The following SEC16A variants were observed in gnomAD, a reference collection of about 807,000 sequenced individuals.
SEC16A encodes SEC16 homolog A, endoplasmic reticulum export factor.
SEC16A carries 110 observed loss-of-function variants against 221.9 expected under a neutral mutation model. That is an observed-to-expected ratio of 0.50 (90% CI 0.42 to 0.58). The LOEUF (loss-of-function observed/expected upper bound fraction) is 0.58. Ranked by LOEUF, SEC16A falls within the 20% of genes least tolerant of loss-of-function variation. SEC16A has a pLI of 0.00. For missense variants in SEC16A, 3,165 were observed against 3,097.8 expected (o/e 1.02, Z -0.52); for synonymous variants, 1,393 against 1,257.7 (o/e 1.11, Z -2.28).
Position 136,472,049 on chromosome 9 carries a change from G to A in SEC16A, c.3630C>T (p.Ala1210=), listed in dbSNP as rs1840944946. 3 of 1,613,342 alleles carry A rather than the reference G, an allele frequency of 1.9e-6. No individual in the cohort carries two copies. In the East Asian group the frequency reaches 6.7e-5, roughly 36 times the overall value. ...CGGGCTCGGGATAGCGGTAGTTCTG[G>A]GCGTAAGCAGACGCAGCACCATCAT... is the stretch of plus-strand genomic sequence containing the variant. ...RPYDGAASAY[A]QNYRYPEPER... The change falls in exon 4 of 32, where the codon GCC becomes GCT. Residue 1210 remains alanine, a synonymous_variant. Transcript: ENST00000684901.
Position 136,447,303 on chromosome 9 carries a change from C to T in SEC16A, c.6621G>A (p.Pro2207=), listed in dbSNP as rs1348384689. The change falls in exon 27 of 32, where the codon CCG becomes CCA. Residue 2207 remains proline, a synonymous_variant. Transcript: ENST00000684901. This position sits in a 1 kb window ranked among gnomAD's most constrained non-coding sequence, Gnocchi z 5.5. ...CGACAAAGTCCGCAGGAGCGAGAGC[C>T]GGCTCGCTCCGCTGGGTCCCGCTTG... ...LNPSGTQRSE[P]ALAPADFVAP... 5 of 1,593,328 alleles carry T rather than the reference C, an allele frequency of 3.1e-6. No homozygotes were observed. The highest frequency in any genetic ancestry group is 3.4e-6 in the Non-Finnish European group (4 of 1,170,868).
Position 136,445,675 on chromosome 9 carries a change from G to A in SEC16A, c.6837C>T (p.Ser2279=), listed in dbSNP as rs1288595756. ...CTCCCTGGGAACCCTCAGGCCTGGA[G>A]GAGGGGAGTTCAGAGCCAGGGAGTG... The part of the protein sequence containing the change: ...AASLPGSELP[S]SRPEGSQGGE... The change falls in exon 29 of 32, where the codon TCC becomes TCT. Residue 2279 remains serine, a synonymous_variant. Coordinates refer to ENST00000684901, the MANE Select transcript of SEC16A (RefSeq NM_014866.2). 6.4e-7 allele frequency: 1 copy of A among 1,551,736 alleles called. No homozygotes were observed. The highest frequency in any genetic ancestry group is 8.7e-7 in the Non-Finnish European group (1 of 1,147,986).
chr9:136,463,197 C>G, intron 11 of SEC16A, 65 bp from the exon 12 acceptor site: 1 of 1,580,598 alleles, frequency 6.3e-7, no homozygotes, highest in African/African-American at 1.3e-5. Context: ...GTTGGACCAC[C>G]ACAGGCACAA....
intron 1 of SEC16A, among the ~76,000 whole-genome samples, chr9:136,481,339 C>T (rs1330762116): frequency 4.6e-5 from 7 of 151,928 alleles, no homozygotes; most frequent in Non-Finnish European, 1.0e-4. Context: ...GGGGTTTCAC[C>T]GTGTTAGCCA....
chr9:136,472,848 G>A (rs1207187981), intron 3 of SEC16A, among the ~76,000 whole-genome samples: 1 of 152,356 alleles, frequency 6.6e-6, no homozygotes, highest in African/African-American at 2.4e-5. Flanking sequence ...TTGGCCACCC[G>A]GACACCACAG....
chr9:136,473,241 C>T (rs555680972), intron 3 of SEC16A, among the ~76,000 whole-genome samples: 2 of 152,268 alleles, frequency 1.3e-5, no homozygotes, highest in African/African-American at 2.4e-5. Flanking sequence ...ACTGGCCTTA[C>T]ATACCGCAAG....
In SEC16A at chr9:136,448,070, T is replaced by C. The variant is rs1027977111; in HGVS notation, c.6390+14A>G. The C allele has an allele frequency of 6.2e-6, 10 of 1,607,418 alleles. No individual in the cohort carries two copies. Among genetic ancestry groups the C allele is most frequent in the Non-Finnish European group, 8.5e-6 (10 of 1,175,268 alleles). On this transcript the variant is annotated intron_variant, in intron 24 of 31. Transcript: ENST00000684901. ...AATTCTTCGGACGTCCCGTGCGTAT[T>C]TGACAGCACTCACCGATTTGTTCTT...
rs1411437174 is a variant in SEC16A, at chr9:136,477,722, A to G, written c.-69-38T>C. The G allele has an allele frequency of 2.8e-6, 4 of 1,430,596 alleles. No homozygotes were observed. In the African/African-American group the frequency reaches 5.7e-5, roughly 21 times the overall value. The allele number at this position is 1,430,596 out of a possible 1,614,324, so 88.6% of individuals were successfully genotyped here. A position where few individuals can be genotyped will look rare whatever the true frequency, so the allele number is the denominator to read the frequency against. ...AAGAGAAAATCAGCATAAAATCCAT[A>G]TATTCAAAGTCCTAGCTGCAATCAG... On this transcript the variant is annotated intron_variant, in intron 2 of 31. Transcript: ENST00000684901.
At chr9:136,472,868 C>T (rs534237735) in intron 3 of SEC16A, among the ~76,000 whole-genome samples, 7 of 152,380 alleles carry the variant, frequency 4.6e-5, no homozygotes, top group South Asian at 2.1e-4. Flanking sequence ...GCAAGAGGCA[C>T]GGCGGGAGGA....
At chr9:136,444,974 G>A (rs1462881678) in intron 30 of SEC16A, 78 bp downstream of exon 30, 21 of 1,328,260 alleles carry the variant, frequency 1.6e-5, no homozygotes, top group African/African-American at 1.0e-4. Flanking sequence ...CGCACGTGGC[G>A]AACCGGCACC....
At chr9:136,481,129 C>CTTTTTTTTTTTTTTTT (rs1000992506) in intron 1 of SEC16A, among the ~76,000 whole-genome samples, 1 of 87,988 alleles carries the variant, frequency 1.1e-5, no homozygotes, top group African/African-American at 4.5e-5. Context: ...GAATTTTATT[C>CTTTTTTTTTTTTTTTT]TTTTTTTTTT....
Position 136,459,951 on chromosome 9 carries a change from C to G in SEC16A, c.5074-77G>C. 2 of 1,535,804 alleles carry G rather than the reference C, an allele frequency of 1.3e-6. No individual in the cohort carries two copies. ...TTCAATTCCACACAGCTGGGCTCAC[C>G]AGGCACCTCACGGCCTGTGACAGCG... On this transcript the variant is annotated intron_variant, in intron 14 of 31. Coordinates refer to ENST00000684901, the MANE Select transcript of SEC16A (RefSeq NM_014866.2). This position sits in a 1 kb window ranked among gnomAD's most constrained non-coding sequence, Gnocchi z 6.1.
intron 23 of SEC16A, 140 bp from the exon 24 acceptor site, chr9:136,448,301 G>A: frequency 1.3e-6 from 1 of 743,072 alleles, no homozygotes; most frequent in South Asian, 1.5e-5. Context: ...GGAGAATGGA[G>A]GTGGGAGCAG....
At chr9:136,484,176 G>A (rs1376273526), upstream of SEC16A, 6 of 215,834 alleles carry the variant, frequency 2.8e-5, no homozygotes, top group Non-Finnish European at 4.1e-5. Flanking sequence ...GGCCTACTCG[G>A]TTCGTTCCCC....
intron 23 of SEC16A, chr9:136,448,533 C>T (rs985350211): frequency 1.4e-6 from 1 of 693,168 alleles, no homozygotes; most frequent in Non-Finnish European, 2.6e-6. Context: ...GAGGTGGGAG[C>T]AGATCCACAG....
rs1266923320 is a variant in SEC16A, at chr9:136,441,140, G to C, written c.*615C>G. Reference sequence around the variant, plus strand: ...TGCAACAGGAAAGAAATTCACTGCAGTAACTAAGGCCTCTCTCAAAAACCG... The same window carrying C: ...TGCAACAGGAAAGAAATTCACTGCACTAACTAAGGCCTCTCTCAAAAACCG... On this transcript the variant is annotated 3_prime_UTR_variant, in exon 32 of 32. Transcript: ENST00000684901. 1 of 152,886 alleles carries C rather than the reference G, an allele frequency of 6.5e-6. No individual in the cohort carries two copies. The highest frequency in any genetic ancestry group is 2.4e-5 in the African/African-American group (1 of 41,474). 9.5% of individuals were successfully genotyped at this position (152,886 alleles called of 1,614,324 possible).
At chr9:136,442,647 G>A (rs574897175) in intron 31 of SEC16A, among the ~76,000 whole-genome samples, 1 of 152,384 alleles carries the variant, frequency 6.6e-6, no homozygotes, top group South Asian at 2.1e-4. Context: ...TGAAGGGCAT[G>A]CAGTCAGGCC....
chr9:136,471,949 G>A, intron 4 of SEC16A, 26 bp downstream of exon 4: 1 of 1,609,064 alleles, frequency 6.2e-7, no homozygotes, highest in Non-Finnish European at 8.5e-7. Flanking sequence ...AGGACAGAGA[G>A]GCAGCCAGGG....
rs576588679 is a variant in SEC16A at position 136,454,100 on chromosome 9, C to T, written c.6076+9G>A. On this transcript the variant is annotated intron_variant, in intron 21 of 31. Coordinates refer to ENST00000684901, the MANE Select transcript of SEC16A (RefSeq NM_014866.2). ...TTCTGCTCTCGAGACAGCATCTCTG[C>T]AGCCCCACCTGGGTCTGGGCTCCTG... is the stretch of plus-strand genomic sequence containing the variant. 1.9e-6 allele frequency: 3 copies of T among 1,548,358 alleles called. No individual in the cohort carries two copies. The African/African-American group carries it at 4.1e-5, about 21-fold the overall frequency.
Sources: gnomAD v4.1 joint callset for allele counts (sites outside exome capture counted in the v4.1 genomes callset) on GRCh38, gnomAD v4.1.1 for gene constraint, Gnocchi (gnomAD v3.1) non-coding constraint, MANE v1.5 for transcripts, NCBI Gene and HGNC (gene_info 2026-07-23, HGNC 2026-07-21) for gene names.